Variants in CTSG observed in about 807,000 individuals in gnomAD.
CTSG encodes the protein cathepsin G.
A neutral mutation model predicts 23.0 loss-of-function variants in CTSG; 23 were observed. The observed-to-expected ratio is 1.00, with a 90% confidence interval of 0.72 to 1.42. The LOEUF is 1.42. CTSG is among the 40% of genes most tolerant of loss of function. The probability of loss-of-function intolerance (pLI) is 0.00; values close to 1 mark genes in which losing one functional copy is unlikely to be tolerated. For missense variants in CTSG, 312 were observed against 326.2 expected (o/e 0.96, Z 0.33); for synonymous variants, 140 against 130.4 (o/e 1.07, Z -0.50).
rs1194455339 is a variant in CTSG, at chr14:24,574,407, C to T, written c.432G>A (p.Val144=). ...EGLRPGTLCT[V]AGWGRVSMRR... is the part of the protein sequence containing the mutation. ...TCATGCTGACCCTGCCCCAGCCGGC[C>T]ACAGTGCACAGCGTCCCGGGTCTCA... Residue 144 remains valine, a synonymous_variant, in exon 4 of 5, where the codon GTG becomes GTA. Coordinates refer to ENST00000216336, the MANE Select transcript of CTSG (RefSeq NM_001911.3). 6.2e-7 allele frequency: 1 copy of T among 1,613,070 alleles called. No individual in the cohort carries two copies. Among genetic ancestry groups the T allele is most frequent in the Non-Finnish European group, 8.5e-7 (1 of 1,180,038 alleles).
intron 2 of CTSG, 40 bp downstream of exon 2, chr14:24,575,225 C>T (rs764462214): frequency 1.9e-6 from 3 of 1,612,908 alleles, no homozygotes; most frequent in African/African-American, 1.3e-5. Flanking sequence ...CTCCGCAGGG[C>T]TGTGTTCCTG....
intron 1 of CTSG, among the ~76,000 whole-genome samples, chr14:24,575,896 G>A (rs1208317829): frequency 6.6e-6 from 1 of 152,158 alleles, no homozygotes; most frequent in Non-Finnish European, 1.5e-5. Flanking sequence ...TCCTAGGTAG[G>A]GTCTGACACA....
At chr14:24,574,628 G>A in intron 3 of CTSG, 47 bp downstream of exon 3, 1 of 1,613,884 alleles carries the variant, frequency 6.2e-7, no homozygotes, top group Non-Finnish European at 8.5e-7. Flanking sequence ...CTCCTCCATT[G>A]TCCCCGGACA....
In CTSG at chr14:24,575,432, A is replaced by G. The variant is rs1305099851; in HGVS notation, c.56-20T>C. On this transcript the variant is annotated intron_variant, in intron 1 of 4. Transcript: ENST00000216336. ...TCTCCCCTGGAAGGAAGCATTTGGCACTTAGCTCTATGCTTGCTGAACCTG... is the reference window on the plus strand; with the variant it reads ...TCTCCCCTGGAAGGAAGCATTTGGCGCTTAGCTCTATGCTTGCTGAACCTG... The G allele has an allele frequency of 6.2e-7, 1 of 1,613,666 alleles. No individual in the cohort carries two copies. The highest frequency in any genetic ancestry group is 8.5e-7 in the Non-Finnish European group (1 of 1,179,958).
At chr14:24,573,864 C>T (rs1267489677) in intron 4 of CTSG, 54 bp from the exon 5 acceptor site, 2 of 1,534,714 alleles carry the variant, frequency 1.3e-6, no homozygotes, top group Admixed American at 1.8e-5. Flanking sequence ...CTCCTGCTTC[C>T]CTGAGCTCCG....
At chr14:24,574,053 G>C (rs981220928) in intron 4 of CTSG, among the ~76,000 whole-genome samples, 192 bp downstream of exon 4, 1 of 152,172 alleles carries the variant, frequency 6.6e-6, no homozygotes. Context: ...TTCTCCAGGA[G>C]AATGTTGCCT....
rs779154527 is a variant in CTSG at position 24,575,328 on chromosome 14, C to T, written c.140G>A (p.Ser47Asn). The T allele has an allele frequency of 6.2e-7, 1 of 1,614,224 alleles. No homozygotes were observed. Among genetic ancestry groups the T allele is most frequent in the Admixed American group, 1.7e-5 (1 of 60,036 alleles). ...YLQIQSPAGQSRCGGFLVRED... is the reference protein window; with the variant it reads ...YLQIQSPAGQNRCGGFLVRED... ...TCGCACCAGGAACCCTCCACATCTG[C>T]TCTGACCTGCTGGACTCTGGATCTG... The change falls in exon 2 of 5, where the codon AGC becomes AAC. Residue 47 changes from serine to asparagine, a missense_variant. Physicochemically the swap from Ser to Asn is conservative, Grantham distance 46. Coordinates refer to ENST00000216336, the MANE Select transcript of CTSG (RefSeq NM_001911.3).
rs2066741359 is a variant in CTSG at position 24,576,247 on chromosome 14, A to G, written c.-24T>C. ...ATCTTTCCTGAAAGGCTGCCCAGTC[A>G]GTTGCTGCTGTGCTTCCTCCTCCTA... On this transcript the variant is annotated 5_prime_UTR_variant, in exon 1 of 5. Coordinates refer to ENST00000216336, the MANE Select transcript of CTSG (RefSeq NM_001911.3). 4 of 1,594,760 alleles carry G rather than the reference A, an allele frequency of 2.5e-6. No individual in the cohort carries two copies. The highest frequency in any genetic ancestry group is 3.4e-6 in the Non-Finnish European group (4 of 1,170,488).
At chr14:24,575,181 A>G (rs1279237726) in intron 2 of CTSG, 84 bp downstream of exon 2, 1 of 1,525,636 alleles carries the variant, frequency 6.6e-7, no homozygotes, top group Non-Finnish European at 9.0e-7. Context: ...TCATTGCTAC[A>G]ACTCTTCTTT....
rs771506740 is a variant in CTSG, at chr14:24,574,271, G to C, written c.568C>G (p.Arg190Gly). 3.1e-6 allele frequency: 5 copies of C among 1,599,822 alleles called. No individual in the cohort carries two copies. In the Admixed American group the frequency reaches 8.3e-5, roughly 27 times the overall value. The change falls in exon 4 of 5, where the codon CGG becomes GGG. Residue 190 changes from arginine (R) to glycine (G), a missense_variant. Transcript: ENST00000216336. ...DPRRQICVGD[R>G]RERKAAFKGD... ...TTGAAGGCAGCCTTCCGTTCCCGCC[G>C]GTCCCCCACACAAATCTGCCTTCGG...
At position 24,574,769 on chromosome 14, in the gene CTSG, C is replaced by G; in HGVS notation, c.245G>C (p.Arg82Pro). ...VTLGAHNIQRRENTQQHITAR... is the reference protein window; with the variant it reads ...VTLGAHNIQRPENTQQHITAR... Reference sequence around the variant, plus strand: ...AGTGATGTGTTGCTGGGTGTTTTCCCGTCTCTGGATATTGTGGGCGCCCAG... The same window carrying G: ...AGTGATGTGTTGCTGGGTGTTTTCCGGTCTCTGGATATTGTGGGCGCCCAG... Residue 82 changes from arginine (R) to proline (P), a missense_variant, in exon 3 of 5, where the codon CGG becomes CCG. Coordinates refer to ENST00000216336, the MANE Select transcript of CTSG (RefSeq NM_001911.3). 1 of 1,614,080 alleles carries G rather than the reference C, an allele frequency of 6.2e-7. No individual in the cohort carries two copies. The highest frequency in any genetic ancestry group is 8.5e-7 in the Non-Finnish European group (1 of 1,180,038).
In CTSG at chr14:24,574,703, G is replaced by A; in HGVS notation, c.311C>T (p.Thr104Ile). The A allele has an allele frequency of 4.3e-6, 7 of 1,614,228 alleles. No individual in the cohort carries two copies. The highest frequency in any genetic ancestry group is 5.9e-6 in the Non-Finnish European group (7 of 1,180,050). The stretch of plus-strand genomic sequence containing the variant: ...CAATAACATGATGTCATTCTGGATG[G>A]TCCGCTGATTATATTGAGGGTGGCG... Reference protein sequence around the residue: ...AIRHPQYNQRTIQNDIMLLQL... With the variant: ...AIRHPQYNQRIIQNDIMLLQL... Residue 104 changes from threonine to isoleucine, a missense_variant, in exon 3 of 5, where the codon ACC (threonine) becomes ATC (isoleucine). By Grantham distance (89) the Thr-to-Ile change is moderately conservative (BLOSUM62 -1). Transcript: ENST00000216336.
At position 24,574,493 on chromosome 14, in the gene CTSG, T is replaced by C. The variant is rs751927384; in HGVS notation, c.346A>G (p.Arg116Gly). 12 of 1,614,000 alleles carry C rather than the reference T, an allele frequency of 7.4e-6. No homozygotes were observed. In the Admixed American group the frequency reaches 1.7e-4, roughly 22 times the overall value. ...QNDIMLLQLS[R>G]RVRRNRNVNP... Reference sequence around the variant, plus strand: ...ACGTTTCGATTCCGTCTGACTCTTCTGCTCAGCTGGAGGAAGAATGTAGGC... The same window carrying C: ...ACGTTTCGATTCCGTCTGACTCTTCCGCTCAGCTGGAGGAAGAATGTAGGC... Residue 116 changes from arginine to glycine, a missense_variant, in exon 4 of 5, where the codon AGA becomes GGA. Coordinates refer to ENST00000216336, the MANE Select transcript of CTSG (RefSeq NM_001911.3).
chr14:24,573,976 G>T (rs1043642001), intron 4 of CTSG, among the ~76,000 whole-genome samples, 166 bp from the exon 5 acceptor site: 4 of 152,078 alleles, frequency 2.6e-5, no homozygotes, highest in Non-Finnish European at 5.9e-5. Flanking sequence ...GGATCTTTTC[G>T]GTCGCTGGAC....
At chr14:24,575,481 C>T (rs917132411) in intron 1 of CTSG, 69 bp from the exon 2 acceptor site, 11 of 1,569,764 alleles carry the variant, frequency 7.0e-6, no homozygotes, top group Admixed American at 3.4e-5. Context: ...AGATTGGTGG[C>T]TCCAGAAAGG....
rs1457559478 is a variant in CTSG at position 24,574,308 on chromosome 14, A to G, written c.531T>C (p.Gly177=). ...AAATCTGCCTTCGGGGGTCGTAGGA[A>G]CCGAAGATGCGGAGGCACTGCCTAT... ...QRDRQCLRIF[G]SYDPRRQICV... is the part of the protein sequence containing the mutation. Residue 177 remains glycine (G), a synonymous_variant, in exon 4 of 5, where the codon GGT becomes GGC. Transcript: ENST00000216336. 14 of 1,601,760 alleles carry G rather than the reference A, an allele frequency of 8.7e-6. No homozygotes were observed. Among genetic ancestry groups the G allele is most frequent in the Non-Finnish European group, 1.2e-5 (14 of 1,179,898 alleles).
chr14:24,574,177 G>A, intron 4 of CTSG, 68 bp downstream of exon 4: 1 of 1,571,260 alleles, frequency 6.4e-7, no homozygotes, highest in Non-Finnish European at 8.6e-7. Flanking sequence ...GATGGAATCT[G>A]TTCGCACTGC....
intron 4 of CTSG, 23 bp downstream of exon 4, chr14:24,574,222 G>A (rs371534352): frequency 4.5e-5 from 72 of 1,598,994 alleles, no homozygotes; most frequent in Non-Finnish European, 5.5e-5. Context: ...CCCGGGGTGT[G>A]TTGGCCAATG....
rs767226793 is a variant in CTSG, at chr14:24,574,270, C to A, written c.569G>T (p.Arg190Leu). 1.9e-6 allele frequency: 3 copies of A among 1,599,956 alleles called. No homozygotes were observed. Among genetic ancestry groups the A allele is most frequent in the Non-Finnish European group, 2.5e-6 (3 of 1,179,942 alleles). The change falls in exon 4 of 5, where the codon CGG becomes CTG. Residue 190 changes from arginine (R) to leucine (L), a missense_variant. Transcript: ENST00000216336. ...CTTGAAGGCAGCCTTCCGTTCCCGC[C>A]GGTCCCCCACACAAATCTGCCTTCG... is the stretch of plus-strand genomic sequence containing the variant. ...DPRRQICVGD[R>L]RERKAAFKGD...
Sources: gnomAD v4.1 joint callset for allele counts (sites outside exome capture counted in the v4.1 genomes callset) on GRCh38, gnomAD v4.1.1 for gene constraint, MANE v1.5 for transcripts, NCBI Gene and HGNC (gene_info 2026-07-23, HGNC 2026-07-21) for gene names.